The following VPS13D variants were observed in gnomAD, a reference collection of about 807,000 sequenced individuals.
VPS13D encodes the protein intermembrane lipid transfer protein VPS13D.
Under a neutral mutation model 461.9 loss-of-function variants are expected in VPS13D, and 187 were observed. The observed-to-expected ratio is 0.40, with a 90% CI of 0.36 to 0.46. The LOEUF is 0.46. Ranked by LOEUF, VPS13D falls within the 20% of genes least tolerant of loss-of-function variation. VPS13D has a pLI of 0.60. For synonymous variants in VPS13D, 1,951 were observed against 1,986.3 expected (o/e 0.98, Z 0.47); for missense variants, 4,711 against 5,364.9 (o/e 0.88, Z 3.81).
chr1:12,472,902 C>T (rs1481305163), intron 67 of VPS13D, among the ~76,000 whole-genome samples: 3 of 152,184 alleles, frequency 2.0e-5, no homozygotes, highest in Non-Finnish European at 2.9e-5. Flanking sequence ...CTCTTCTTTC[C>T]CCGAAAGATT....
In VPS13D at chr1:12,416,627, A is replaced by G. The variant is rs201039407; in HGVS notation, c.12166-33A>G. 3.3e-5 allele frequency: 53 copies of G among 1,601,922 alleles called. 1 individual carries two copies. Among genetic ancestry groups the G allele is most frequent in the Admixed American group, 2.3e-4 (13 of 57,356 alleles). Reference sequence around the variant, plus strand: ...TATCTGCAAATATAAGTAGATGCTGATTGGACTTTTCTCTTCCTGTTCCAT... The same window carrying G: ...TATCTGCAAATATAAGTAGATGCTGGTTGGACTTTTCTCTTCCTGTTCCAT... On this transcript the variant is annotated intron_variant, in intron 64 of 69. Coordinates refer to ENST00000620676, the MANE Select transcript of VPS13D (RefSeq NM_015378.4).
chr1:12,427,571 C>T (rs185849726), intron 65 of VPS13D, among the ~76,000 whole-genome samples: 1 of 152,100 alleles, frequency 6.6e-6, no homozygotes, highest in Admixed American at 6.5e-5. Flanking sequence ...AGGATAACAG[C>T]TATTTACATA....
intron 5 of VPS13D, among the ~76,000 whole-genome samples, chr1:12,246,691 T>G (rs990798987): frequency 6.6e-6 from 1 of 151,948 alleles, no homozygotes; most frequent in Non-Finnish European, 1.5e-5. Flanking sequence ...GAATAAAGGG[T>G]ACGTTCTTTT....
chr1:12,352,079 C>T (rs182878174), intron 46 of VPS13D, among the ~76,000 whole-genome samples: 170 of 151,656 alleles, frequency 1.1e-3, no homozygotes, highest in African/African-American at 3.7e-3. Context: ...CACTTGAGAT[C>T]AGGGGTTCGA....
rs554229279 is a variant in VPS13D at position 12,494,703 on chromosome 1, C to T, written c.12663-2797C>T. The stretch of plus-strand genomic sequence containing the variant: ...AAGGGAAAGGCCTGTCATCAGTGTC[C>T]GCTTCAGGACACTGCCGTCATGTCC... On this transcript the variant is annotated intron_variant, in intron 67 of 69. Coordinates refer to ENST00000620676, the MANE Select transcript of VPS13D (RefSeq NM_015378.4). Among the ~76,000 whole-genome samples the T allele has an allele frequency of 3.0e-4, 45 of 152,262 alleles. 3 individuals carry two copies. The South Asian group carries it at 8.1e-3, about 27-fold the overall frequency.
chr1:12,333,408 A>T (rs1219315434), intron 38 of VPS13D, 42 bp downstream of exon 38: 2 of 1,606,616 alleles, frequency 1.2e-6, no homozygotes, highest in East Asian at 4.5e-5. Flanking sequence ...ACCTTTCCGT[A>T]CCTAAGTTCT....
intron 67 of VPS13D, among the ~76,000 whole-genome samples, chr1:12,468,753 C>T (rs1212839631): frequency 3.3e-5 from 5 of 152,224 alleles, no homozygotes; most frequent in Admixed American, 3.3e-4. Flanking sequence ...CTAAAAGAGG[C>T]TGGGCGCGGT....
At chr1:12,325,418 C>T (rs536798465) in intron 35 of VPS13D, among the ~76,000 whole-genome samples, 2 of 152,298 alleles carry the variant, frequency 1.3e-5, no homozygotes, top group African/African-American at 4.8e-5. Context: ...CGCCACCATG[C>T]CCAGCTAATT....
chr1:12,236,662 C>CA (rs1293228986), intron 2 of VPS13D, among the ~76,000 whole-genome samples: 1 of 152,172 alleles, frequency 6.6e-6, no homozygotes, highest in African/African-American at 2.4e-5. Context: ...GGATTACAGG[C>CA]ATGTTCCACT....
chr1:12,496,891 G>A (rs950410976), intron 67 of VPS13D, among the ~76,000 whole-genome samples: 28 of 152,172 alleles, frequency 1.8e-4, no homozygotes, highest in African/African-American at 6.3e-4. Context: ...CCAGGTCCAG[G>A]TCCAGGTCCA....
rs184151786 is a variant in VPS13D, at chr1:12,454,047, C to A, written c.12334-1951C>A. On this transcript the variant is annotated intron_variant, in intron 65 of 69. Coordinates refer to ENST00000620676, the MANE Select transcript of VPS13D (RefSeq NM_015378.4). ...CTCAAACGCTGCAGGCATGTTCCTC[C>A]TTGGACTAGTAGCAGAGTAATAAGA... is the stretch of plus-strand genomic sequence containing the variant. 4.6e-5 allele frequency: 7 copies of A among 152,312 alleles called. No individual in the cohort carries two copies. In the East Asian group the frequency reaches 1.4e-3, roughly 29 times the overall value. The allele number at this position is 152,312 out of a possible 1,614,324, so 9.4% of individuals were successfully genotyped here.
Position 12,363,729 on chromosome 1 carries a change from C to T in VPS13D, c.10448+482C>T, listed in dbSNP as rs539639431. Reference sequence around the variant, plus strand: ...TAGCACTTTGGGAGGCCGAGGCAGGCGGATCACGAGGTCAAGAGATTGAGA... The same window carrying T: ...TAGCACTTTGGGAGGCCGAGGCAGGTGGATCACGAGGTCAAGAGATTGAGA... On this transcript the variant is annotated intron_variant, in intron 52 of 69. Coordinates refer to ENST00000620676, the MANE Select transcript of VPS13D (RefSeq NM_015378.4). Among the ~76,000 whole-genome samples, 3 of 151,854 alleles carry T rather than the reference C, an allele frequency of 2.0e-5. 1 individual carries two copies. The highest frequency in any genetic ancestry group is 4.4e-5 in the Non-Finnish European group (3 of 67,948).
At chr1:12,296,469 G>T (rs1642278991) in intron 24 of VPS13D, among the ~76,000 whole-genome samples, 1 of 152,126 alleles carries the variant, frequency 6.6e-6, no homozygotes, top group Non-Finnish European at 1.5e-5. Flanking sequence ...TGCACTTTTA[G>T]AATCCAGCTA....
chr1:12,463,601 A>G (rs1168584074), intron 67 of VPS13D, among the ~76,000 whole-genome samples: 1 of 151,894 alleles, frequency 6.6e-6, no homozygotes, highest in Non-Finnish European at 1.5e-5. Flanking sequence ...AAAAAAACAA[A>G]CCTGGATATG....
chr1:12,348,630 A>G (rs1004009290), intron 44 of VPS13D, among the ~76,000 whole-genome samples, 193 bp from the exon 45 acceptor site: 1 of 148,968 alleles, frequency 6.7e-6, no homozygotes, highest in Non-Finnish European at 1.5e-5. Context: ...ACTTTTTAGA[A>G]TTTTTTTTTT....
rs1646151748 is a variant in VPS13D at position 12,509,053 on chromosome 1, A to G, written c.*29A>G. 6.2e-7 allele frequency: 1 copy of G among 1,612,124 alleles called. No individual in the cohort carries two copies. Among genetic ancestry groups the G allele is most frequent in the African/African-American group, 1.3e-5 (1 of 74,866 alleles). ...CCCGCTGCTGAGATGGGCGCTCCCG[A>G]CACAGCGCAGACCCACCAGGAGGAA... On this transcript the variant is annotated 3_prime_UTR_variant, in exon 70 of 70. Coordinates refer to ENST00000620676, the MANE Select transcript of VPS13D (RefSeq NM_015378.4).
intron 23 of VPS13D, among the ~76,000 whole-genome samples, chr1:12,292,601 G>A (rs1198971027): frequency 2.0e-5 from 3 of 151,700 alleles, no homozygotes; most frequent in African/African-American, 7.3e-5. Context: ...CATCACACCC[G>A]GCTAATTTTT....
intron 38 of VPS13D, among the ~76,000 whole-genome samples, chr1:12,334,980 A>G (rs1404341349): frequency 1.3e-5 from 2 of 152,232 alleles, no homozygotes; most frequent in African/African-American, 2.4e-5. Context: ...AAAGTATAAC[A>G]TCTTAATTAG....
intron 65 of VPS13D, among the ~76,000 whole-genome samples, chr1:12,431,616 T>C (rs1190989987): frequency 4.6e-5 from 7 of 151,776 alleles, no homozygotes; most frequent in Non-Finnish European, 1.0e-4. Context: ...CTATACTGAG[T>C]TCCATGAGTA....
Sources: allele counts gnomAD v4.1 joint callset (sites outside exome capture counted in the v4.1 genomes callset), GRCh38; gene constraint gnomAD v4.1.1; transcripts MANE v1.5; gene names NCBI Gene and HGNC (gene_info 2026-07-23, HGNC 2026-07-21).